Variants in KIF1A observed in about 807,000 individuals in gnomAD.
The protein encoded by KIF1A is kinesin family member 1A, also known as kinesin-like protein KIF1A.
A neutral mutation model predicts 227.3 loss-of-function variants in KIF1A; 46 were observed. The observed-to-expected ratio is 0.20, with a 90% CI of 0.16 to 0.26. The LOEUF is 0.26. Ranked by LOEUF, KIF1A falls within the 10% of genes least tolerant of loss-of-function variation. KIF1A has a pLI of 1.00. For synonymous variants in KIF1A, 1,022 were observed against 1,012.8 expected (o/e 1.01, Z -0.17); for missense variants, 1,683 against 2,485.9 (o/e 0.68, Z 6.87).
At chr2:240,719,743 T>G (rs1234620841) in intron 46 of KIF1A, 31 bp downstream of exon 46, 4 of 1,520,212 alleles carry the variant, frequency 2.6e-6, no homozygotes, top group Non-Finnish European at 3.5e-6. Context: ...ACAGAGCTGG[T>G]GGCGGTGCTT....
chr2:240,737,119 G>A lies in KIF1A; in HGVS notation c.3951C>T (p.Asn1317=), dbSNP rs2047418463. 9.3e-6 allele frequency: 15 copies of A among 1,613,824 alleles called. No homozygotes were observed. The highest frequency in any genetic ancestry group is 1.3e-5 in the Non-Finnish European group (15 of 1,179,744). Reference sequence around the variant, plus strand: ...AAGAGAGGATGTTGAGAGACAAGATGTTGGGGTCGATCAGGGACTCGTCGG... The same window carrying A: ...AAGAGAGGATGTTGAGAGACAAGATATTGGGGTCGATCAGGGACTCGTCGG... ...PETDESLIDP[N]ILSLNILSSG... The change falls in exon 38 of 49, where the codon AAC becomes AAT. Residue 1317 remains asparagine, a synonymous_variant. Transcript: ENST00000498729.
chr2:240,720,631 G>T, intron 45 of KIF1A: 1 of 289,836 alleles, frequency 3.5e-6, no homozygotes. Context: ...TATTTTATAA[G>T]CACTGTCTCA....
intron 28 of KIF1A, among the ~76,000 whole-genome samples, chr2:240,749,623 T>C (rs535444444): frequency 2.5e-4 from 38 of 152,326 alleles, no homozygotes; most frequent in Non-Finnish European, 5.0e-4. Context: ...CCTGTTGCCC[T>C]GCAGCTTCCA....
chr2:240,791,975 C>G (rs1229063731), intron 2 of KIF1A, among the ~76,000 whole-genome samples: 2 of 151,576 alleles, frequency 1.3e-5, no homozygotes, highest in Admixed American at 1.3e-4. Flanking sequence ...GGCAACCCCA[C>G]TCCCAGGCCA....
intron 5 of KIF1A, 60 bp from the exon 6 acceptor site, chr2:240,786,573 G>T (rs983957684): frequency 9.3e-6 from 14 of 1,509,690 alleles, no homozygotes; most frequent in Non-Finnish European, 1.3e-5. Flanking sequence ...GCTGCCACTG[G>T]GGGGACCCCT....
At position 240,736,390 on chromosome 2, in the gene KIF1A, G is replaced by C. The variant is rs566242502; in HGVS notation, c.4007+673C>G. On this transcript the variant is annotated intron_variant, in intron 38 of 48. Coordinates refer to ENST00000498729, the MANE Select transcript of KIF1A (RefSeq NM_001244008.2). The surrounding 1 kb of genome is among the most constrained non-coding windows in gnomAD (Gnocchi z 4.7). ...CAGCGTCTGGGACGCAGTGGAGCCC[G>C]CGGGACGTCCCCACCCACCAGGGCT... Among the ~76,000 whole-genome samples the C allele has an allele frequency of 1.3e-5, 2 of 151,856 alleles. No homozygotes were observed. The highest frequency in any genetic ancestry group is 2.9e-5 in the Non-Finnish European group (2 of 67,956).
At chr2:240,760,607 C>T in intron 25 of KIF1A, 58 bp downstream of exon 25, 1 of 1,362,728 alleles carries the variant, frequency 7.3e-7, no homozygotes, top group Non-Finnish European at 9.6e-7. Context: ...GCTCCTGTGG[C>T]TTCAGCCCTG....
Position 240,760,975 on chromosome 2 carries a change from C to G in KIF1A, c.2266-132G>C, listed in dbSNP as rs899075437. The G allele has an allele frequency of 7.0e-6, 7 of 1,003,580 alleles. No homozygotes were observed. The South Asian group carries it at 8.8e-5, about 13-fold the overall frequency. The allele number at this position is 1,003,580 out of a possible 1,614,324, so 62.2% of individuals were successfully genotyped here. A position where few individuals can be genotyped will look rare whatever the true frequency, so the allele number is the denominator to read the frequency against. On this transcript the variant is annotated intron_variant, in intron 24 of 48. Coordinates refer to ENST00000498729, the MANE Select transcript of KIF1A (RefSeq NM_001244008.2). ...CAATGGTTCACTGGAACCTTTCAGA[C>G]AGCCGCCAGGGGGGACCACCTACTT... is the stretch of plus-strand genomic sequence containing the variant.
intron 38 of KIF1A, among the ~76,000 whole-genome samples, chr2:240,735,578 C>T (rs1386229073): frequency 3.3e-5 from 5 of 152,180 alleles, no homozygotes; most frequent in Admixed American, 3.3e-4. Context: ...ATCTCCCAGG[C>T]TCCAAAGCAC....
chr2:240,783,792 G>T lies in KIF1A; in HGVS notation c.745C>A (p.Leu249Met). 6.3e-7 allele frequency: 1 copy of T among 1,592,116 alleles called. No individual in the cohort carries two copies. Among genetic ancestry groups the T allele is most frequent in the East Asian group, 2.3e-5 (1 of 43,858 alleles). Residue 249 changes from leucine (L) to methionine (M), a missense_variant, in exon 8 of 49, where the codon CTG becomes ATG. Around this residue, in one of 12 missense-constraint regions of KIF1A, gnomAD observed 14 missense variants for 62.4 expected, o/e 0.22. Coordinates refer to ENST00000498729, the MANE Select transcript of KIF1A (RefSeq NM_001244008.2). Reference sequence around the variant, plus strand: ...GAGTCAGCCCGCTCGCTCCCAGCCAGGTCCACCAGGCTGATTTTGCTCACC... The same window carrying T: ...GAGTCAGCCCGCTCGCTCCCAGCCATGTCCACCAGGCTGATTTTGCTCACC... ...EKVSKISLVD[L>M]AGSERADSTG...
rs779378849 is a variant in KIF1A at position 240,722,428 on chromosome 2, G to A, written c.4665+28C>T. 2.7e-5 allele frequency: 41 copies of A among 1,542,444 alleles called. No individual in the cohort carries two copies. In the East Asian group the frequency reaches 5.4e-4, roughly 20 times the overall value. On this transcript the variant is annotated intron_variant, in intron 43 of 48. Transcript: ENST00000498729. ...AGGGCCCTTGAGGGCCTGGGGCTAC[G>A]GCTGTACTGCCCACCAGCTGGACCC...
chr2:240,727,431 C>T (rs560105716), intron 38 of KIF1A, among the ~76,000 whole-genome samples: 9 of 152,056 alleles, frequency 5.9e-5, no homozygotes, highest in Non-Finnish European at 8.8e-5. Flanking sequence ...AGTAAGGAGG[C>T]GCCACCATCT....
intron 2 of KIF1A, among the ~76,000 whole-genome samples, chr2:240,794,561 G>C (rs2056150504): frequency 6.6e-6 from 1 of 152,258 alleles, no homozygotes; most frequent in Admixed American, 6.5e-5. Context: ...TGCCGGGATA[G>C]ACTTAACATC....
intron 10 of KIF1A, among the ~76,000 whole-genome samples, chr2:240,780,810 A>AG (rs2053618072): frequency 1.1e-5 from 1 of 90,272 alleles, no homozygotes; most frequent in African/African-American, 6.3e-5. Flanking sequence ...ACACACACAC[A>AG]CACACACACA....
rs2051322040 is a variant in KIF1A at position 240,767,251 on chromosome 2, C to T, written c.1577+15G>A. ...GGCCTGGCCAGGCTGGAGTGGCTGCCAGGTCCCCTCTCACCTGGTGATCCC... is the reference window on the plus strand; with the variant it reads ...GGCCTGGCCAGGCTGGAGTGGCTGCTAGGTCCCCTCTCACCTGGTGATCCC... On this transcript the variant is annotated intron_variant, in intron 18 of 48. Coordinates refer to ENST00000498729, the MANE Select transcript of KIF1A (RefSeq NM_001244008.2). 6.2e-7 allele frequency: 1 copy of T among 1,607,180 alleles called. No individual in the cohort carries two copies. Among genetic ancestry groups the T allele is most frequent in the Non-Finnish European group, 8.5e-7 (1 of 1,175,300 alleles).
Position 240,757,197 on chromosome 2 carries a change from A to T in KIF1A, c.2858+122T>A. On this transcript the variant is annotated intron_variant, in intron 27 of 48. Coordinates refer to ENST00000498729, the MANE Select transcript of KIF1A (RefSeq NM_001244008.2). The surrounding 1 kb of genome is among the most constrained non-coding windows in gnomAD (Gnocchi z 6.2). ...CTCTCCTCAGGAGGCCAGCCCCTCCACCTGCCTCGCCTGCCCTGGGAGGGC... is the reference window on the plus strand; with the variant it reads ...CTCTCCTCAGGAGGCCAGCCCCTCCTCCTGCCTCGCCTGCCCTGGGAGGGC... 2 of 1,015,994 alleles carry T rather than the reference A, an allele frequency of 2.0e-6. No individual in the cohort carries two copies. The highest frequency in any genetic ancestry group is 2.9e-6 in the Non-Finnish European group (2 of 691,650). 62.9% of individuals were successfully genotyped at this position (1,015,994 alleles called of 1,614,324 possible).
At chr2:240,791,233 G>T (rs1046571200) in intron 2 of KIF1A, among the ~76,000 whole-genome samples, 1 of 152,118 alleles carries the variant, frequency 6.6e-6, no homozygotes, top group Admixed American at 6.5e-5. Context: ...AACAGCACCC[G>T]TGGCGCCGCC....
chr2:240,801,836 G>A (rs965994563), intron 1 of KIF1A, among the ~76,000 whole-genome samples: 4 of 152,126 alleles, frequency 2.6e-5, no homozygotes, highest in African/African-American at 9.7e-5. Flanking sequence ...CTCCAGAACT[G>A]TGAAAAATAA....
Position 240,726,973 on chromosome 2 carries a change from T to C in KIF1A, c.4008-33A>G, listed in dbSNP as rs774612980. On this transcript the variant is annotated intron_variant, in intron 38 of 48. Transcript: ENST00000498729. The surrounding 1 kb of genome is among the most constrained non-coding windows in gnomAD (Gnocchi z 5.2). ...GAAGCAGAGACAAAGTAGAAGTTGATGGCGTGGGGGCTGCTTTCAGCCAGG... is the reference window on the plus strand; with the variant it reads ...GAAGCAGAGACAAAGTAGAAGTTGACGGCGTGGGGGCTGCTTTCAGCCAGG... The C allele has an allele frequency of 1.3e-5, 18 of 1,354,046 alleles. No homozygotes were observed. Among genetic ancestry groups the C allele is most frequent in the Admixed American group, 7.5e-5 (4 of 53,448 alleles). 83.9% of individuals were successfully genotyped at this position (1,354,046 alleles called of 1,614,324 possible). A position where few individuals can be genotyped will look rare whatever the true frequency, so the allele number is the denominator to read the frequency against.
Sources: allele counts gnomAD v4.1 joint callset (sites outside exome capture counted in the v4.1 genomes callset), GRCh38; gene constraint gnomAD v4.1.1; regional missense constraint gnomAD v4.1.1; non-coding constraint Gnocchi (gnomAD v3.1); transcripts MANE v1.5; gene names NCBI Gene and HGNC (gene_info 2026-07-23, HGNC 2026-07-21).